PTPRD: variants seen among roughly 807,000 people sequenced by gnomAD.
The protein encoded by PTPRD is receptor-type tyrosine-protein phosphatase delta.
Under a neutral mutation model 214.5 loss-of-function variants are expected in PTPRD, and 34 were observed. That is an observed-to-expected ratio of 0.16 (90% CI 0.12 to 0.21). The LOEUF is 0.21. PTPRD is among the 10% of genes least tolerant of loss of function. The pLI is 1.00. For synonymous variants in PTPRD, 1,128 were observed against 845.7 expected (o/e 1.33, Z -5.79); for missense variants, 2,545 against 2,398.7 (o/e 1.06, Z -1.27).
intron 9 of PTPRD, among the ~76,000 whole-genome samples, chr9:9,266,797 G>A (rs1365479332): frequency 6.6e-6 from 1 of 151,002 alleles, no homozygotes; most frequent in Non-Finnish European, 1.5e-5. Flanking sequence ...CTCGTAAAAT[G>A]TAGCCAAAGC....
At chr9:9,450,708 G>A (rs183906659) in intron 8 of PTPRD, among the ~76,000 whole-genome samples, 1 of 150,960 alleles carries the variant, frequency 6.6e-6, no homozygotes, top group African/African-American at 2.4e-5. Context: ...TCAAAAAACT[G>A]TATGAAGAAA....
intron 11 of PTPRD, among the ~76,000 whole-genome samples, chr9:8,897,707 TG>T (rs1361224165): frequency 6.6e-5 from 10 of 152,278 alleles, no homozygotes; most frequent in African/African-American, 2.4e-4. Context: ...GAGCCTCCTC[TG>T]GGAATCTGGT....
intron 8 of PTPRD, among the ~76,000 whole-genome samples, chr9:9,479,695 T>C (rs1282962029): frequency 6.6e-6 from 1 of 151,828 alleles, no homozygotes; most frequent in Non-Finnish European, 1.5e-5. Flanking sequence ...GTTTTATAGA[T>C]TGAAAACCTT....
intron 11 of PTPRD, among the ~76,000 whole-genome samples, chr9:8,870,107 T>C (rs2154547475): frequency 6.7e-6 from 1 of 149,166 alleles, no homozygotes; most frequent in South Asian, 2.1e-4. Flanking sequence ...TGTGTTGGTA[T>C]ATATCTCTTT....
intron 7 of PTPRD, among the ~76,000 whole-genome samples, chr9:9,581,840 A>C (rs1226858610): frequency 1.3e-5 from 2 of 152,166 alleles, no homozygotes; most frequent in East Asian, 3.9e-4. Flanking sequence ...ATGCTTGTTA[A>C]GTAATTTATA....
chr9:9,331,733 A>G (rs959222331), intron 9 of PTPRD, among the ~76,000 whole-genome samples: 3 of 151,996 alleles, frequency 2.0e-5, no homozygotes, highest in Non-Finnish European at 4.4e-5. Flanking sequence ...CACCTCTTTC[A>G]CACTTACTGT....
At chr9:8,816,679 G>T (rs1362133341) in intron 11 of PTPRD, among the ~76,000 whole-genome samples, 2 of 151,962 alleles carry the variant, frequency 1.3e-5, no homozygotes, top group Non-Finnish European at 2.9e-5. Flanking sequence ...AGAGATGGAA[G>T]AAAGGTACAA....
At chr9:10,271,962 G>A (rs564435439) in intron 3 of PTPRD, among the ~76,000 whole-genome samples, 1 of 152,126 alleles carries the variant, frequency 6.6e-6, no homozygotes, top group East Asian at 1.9e-4. Flanking sequence ...ACTTCATGAA[G>A]ATGAAATTTT....
chr9:9,849,304 G>A (rs34118738), intron 5 of PTPRD, among the ~76,000 whole-genome samples: 15,290 of 151,758 alleles, frequency 0.1, 829 homozygotes, highest in South Asian at 0.19. Context: ...ATTTATTCTA[G>A]AAGACAGGTA....
At position 9,649,672 on chromosome 9, in the gene PTPRD, T is replaced by C. The variant is rs574070949; in HGVS notation, c.-286-74891A>G. On this transcript the variant is annotated intron_variant, in intron 7 of 45. Coordinates refer to ENST00000381196, the MANE Select transcript of PTPRD (RefSeq NM_002839.4). Reference sequence around the variant, plus strand: ...ATTCTCATAACTAGAGTCACTCATTTTGCACTCATTAATGTGGTTCCACCT... The same window carrying C: ...ATTCTCATAACTAGAGTCACTCATTCTGCACTCATTAATGTGGTTCCACCT... 2.0e-5 allele frequency among the ~76,000 whole-genome samples: 3 copies of C among 152,336 alleles called. No homozygotes were observed. In the East Asian group the frequency reaches 5.8e-4, roughly 29 times the overall value.
chr9:9,219,477 G>T (rs2099954430), intron 9 of PTPRD, among the ~76,000 whole-genome samples: 1 of 151,506 alleles, frequency 6.6e-6, no homozygotes, highest in African/African-American at 2.4e-5. Flanking sequence ...TAAACATTTG[G>T]CTAAAAGCCA....
intron 14 of PTPRD, among the ~76,000 whole-genome samples, chr9:8,548,374 T>C (rs2080922816): frequency 6.6e-6 from 1 of 151,856 alleles, no homozygotes; most frequent in African/African-American, 2.4e-5. Context: ...GCTGGAATTT[T>C]GTTTTTTTTT....
chr9:10,582,352 T>C (rs575421008), intron 2 of PTPRD, among the ~76,000 whole-genome samples: 1 of 152,292 alleles, frequency 6.6e-6, no homozygotes, highest in African/African-American at 2.4e-5. Flanking sequence ...TATTCTTTCC[T>C]ACTCCCAAGC....
intron 10 of PTPRD, among the ~76,000 whole-genome samples, chr9:9,031,208 G>A (rs898050559): frequency 1.9e-5 from 2 of 107,306 alleles, no homozygotes; most frequent in Admixed American, 2.0e-4. Context: ...ATACTTACTA[G>A]TATTATATTA....
chr9:10,202,034 G>C (rs1338665866), intron 3 of PTPRD, among the ~76,000 whole-genome samples: 1 of 151,988 alleles, frequency 6.6e-6, no homozygotes, highest in Non-Finnish European at 1.5e-5. Flanking sequence ...TCAGATGAAA[G>C]AAATAAGAAC....
At chr9:10,466,570 C>G (rs1046581089) in intron 2 of PTPRD, among the ~76,000 whole-genome samples, 1 of 136,144 alleles carries the variant, frequency 7.3e-6, no homozygotes, top group Non-Finnish European at 1.5e-5. Flanking sequence ...TTGCGGTGAG[C>G]CAAGATTGTG....
chr9:8,887,115 G>C (rs1356349675), intron 11 of PTPRD, among the ~76,000 whole-genome samples: 2 of 152,136 alleles, frequency 1.3e-5, no homozygotes. Flanking sequence ...TAAGTGACTT[G>C]CCCAAGGCCA....
At chr9:8,562,156 G>A (rs927137732) in intron 14 of PTPRD, among the ~76,000 whole-genome samples, 1 of 152,078 alleles carries the variant, frequency 6.6e-6, no homozygotes, top group Non-Finnish European at 1.5e-5. Context: ...TTCCCATTTT[G>A]ATTAACAGAA....
intron 11 of PTPRD, among the ~76,000 whole-genome samples, chr9:8,985,000 C>T (rs986981519): frequency 9.2e-5 from 14 of 152,032 alleles, no homozygotes; most frequent in African/African-American, 3.1e-4. Context: ...GGAAAATTTA[C>T]TTTTGATCCA....
Sources: allele counts gnomAD v4.1 joint callset (sites outside exome capture counted in the v4.1 genomes callset), GRCh38; gene constraint gnomAD v4.1.1; transcripts MANE v1.5; gene names NCBI Gene and HGNC (gene_info 2026-07-23, HGNC 2026-07-21).